Variants in HERC2 observed in about 807,000 individuals in gnomAD.
HERC2 encodes HECT and RLD domain containing E3 ubiquitin protein ligase 2, also known as E3 ubiquitin-protein ligase HERC2.
In HERC2, 102 loss-of-function variants were observed where a neutral mutation model predicts 537.7. The ratio of observed to expected loss-of-function variants is 0.19; its 90% CI spans 0.16 to 0.22. The LOEUF (loss-of-function observed/expected upper bound fraction) is 0.22, where lower values mean the gene tolerates loss of function less well. Among genes scored for constraint, HERC2 ranks in the 10% least tolerant of loss-of-function variants. HERC2 has a pLI of 1.00. For synonymous variants in HERC2, 2,224 were observed against 2,466.2 expected, an observed-to-expected ratio of 0.90 and a Z score of 2.91; for missense variants, 4,236 against 6,198.2, an observed-to-expected ratio of 0.68 and a Z score of 10.63.
Position 28,304,701 on chromosome 15 carries a change from CA to C in HERC2, c.73-5186del, listed in dbSNP as rs1164379483. Among the ~76,000 whole-genome samples the C allele has an allele frequency of 8.1e-4, 110 of 136,196 alleles. 1 individual carries two copies. Among genetic ancestry groups the C allele is most frequent in the Non-Finnish European group, 5.9e-4 (39 of 66,224 alleles). 89.3% of individuals were successfully genotyped at this position (136,196 alleles called of 152,430 possible). Reference sequence around the variant, plus strand: ...ATCTGACTCCTCTAGCAAGGGCTTCCATTTTTTTTTTTTTTTTTTTTTTTAT... The same window carrying C: ...ATCTGACTCCTCTAGCAAGGGCTTCCTTTTTTTTTTTTTTTTTTTTTTTAT... On this transcript the variant is annotated intron_variant, in intron 2 of 92. Transcript: ENST00000261609.
intron 76 of HERC2, 116 bp downstream of exon 76, chr15:28,142,122 T>G: frequency 8.8e-7 from 1 of 1,131,540 alleles, no homozygotes; most frequent in Non-Finnish European, 1.3e-6. Context: ...GTTATTTTCT[T>G]TGATATTCCT....
intron 12 of HERC2, among the ~76,000 whole-genome samples, chr15:28,267,018 G>A (rs1352552309): frequency 6.6e-6 from 1 of 152,234 alleles, no homozygotes; most frequent in East Asian, 1.9e-4. Context: ...GTATGAGGCA[G>A]TGGGGATTAG....
intron 2 of HERC2, among the ~76,000 whole-genome samples, chr15:28,318,777 T>G (rs1596477014): frequency 6.6e-6 from 1 of 151,916 alleles, no homozygotes; most frequent in East Asian, 1.9e-4. Flanking sequence ...AGTCAATAAG[T>G]GCTCTCTATA....
At chr15:28,288,779 G>GGGA (rs2076231121) in intron 4 of HERC2, among the ~76,000 whole-genome samples, 1 of 151,138 alleles carries the variant, frequency 6.6e-6, no homozygotes, top group South Asian at 2.1e-4. Flanking sequence ...ACCCACGTGG[G>GGGA]GGAGGTTGCA....
At chr15:28,260,666 G>A (rs1302439699) in intron 16 of HERC2, 111 bp downstream of exon 16, 3 of 838,888 alleles carry the variant, frequency 3.6e-6, no homozygotes, top group Admixed American at 2.5e-5. Context: ...TAGCACAACT[G>A]CAGGACACAA....
chr15:28,209,819 G>T (rs1219837577), intron 44 of HERC2, among the ~76,000 whole-genome samples: 1 of 151,848 alleles, frequency 6.6e-6, no homozygotes, highest in African/African-American at 2.4e-5. Flanking sequence ...ATTTTGAATG[G>T]CACCATGGTA....
At chr15:28,250,904 T>G (rs2075054335) in intron 20 of HERC2, among the ~76,000 whole-genome samples, 4 of 152,248 alleles carry the variant, frequency 2.6e-5, no homozygotes, top group Admixed American at 6.5e-5. Flanking sequence ...CTTTCCAAAA[T>G]TTTTGTGAGG....
At chr15:28,205,803 T>TCG (rs1318610767) in intron 45 of HERC2, among the ~76,000 whole-genome samples, 1 of 119,974 alleles carries the variant, frequency 8.3e-6, no homozygotes, top group Non-Finnish European at 1.7e-5. Context: ...ACCCTGTGCC[T>TCG]CGCTGCTGCC....
chr15:28,237,541 T>G (rs1347861277), intron 25 of HERC2, among the ~76,000 whole-genome samples: 1 of 152,198 alleles, frequency 6.6e-6, no homozygotes, highest in African/African-American at 2.4e-5. Flanking sequence ...GAAATGAAAT[T>G]TATTCTAACA....
chr15:28,259,166 C>T (rs868285513), intron 16 of HERC2, among the ~76,000 whole-genome samples: 1 of 152,196 alleles, frequency 6.6e-6, no homozygotes, highest in Non-Finnish European at 1.5e-5. Context: ...GCCATCCCGG[C>T]TCACTGCAAT....
At chr15:28,129,856 A>C (rs191286935) in intron 83 of HERC2, among the ~76,000 whole-genome samples, 83 of 148,468 alleles carry the variant, frequency 5.6e-4, no homozygotes, top group African/African-American at 2.0e-3. Flanking sequence ...GGCTCACTGC[A>C]ACCTCCACCT....
chr15:28,307,564 G>A (rs1412125678), intron 2 of HERC2, among the ~76,000 whole-genome samples: 1 of 152,158 alleles, frequency 6.6e-6, no homozygotes, highest in South Asian at 2.1e-4. Context: ...TTTGTTTCAA[G>A]AAACTGTTTA....
chr15:28,123,135 C>A (rs900934379), intron 85 of HERC2, among the ~76,000 whole-genome samples: 3 of 152,212 alleles, frequency 2.0e-5, no homozygotes, highest in Non-Finnish European at 4.4e-5. Flanking sequence ...AGCCTGACCA[C>A]TTCCACCCTC....
intron 21 of HERC2, 28 bp downstream of exon 21, chr15:28,248,524 A>C: frequency 1.3e-6 from 2 of 1,578,128 alleles, no homozygotes; most frequent in South Asian, 1.1e-5. Flanking sequence ...ATCACATACA[A>C]GACACTTTCA....
intron 69 of HERC2, among the ~76,000 whole-genome samples, chr15:28,157,212 T>C (rs752278346): frequency 2.0e-5 from 3 of 152,128 alleles, no homozygotes; most frequent in Admixed American, 6.6e-5. Flanking sequence ...AAATTCTTTT[T>C]GTTGTGTCTC....
intron 23 of HERC2, among the ~76,000 whole-genome samples, chr15:28,243,393 T>C (rs1324312385): frequency 6.6e-6 from 1 of 152,130 alleles, no homozygotes; most frequent in African/African-American, 2.4e-5. Context: ...ACAAACTGGA[T>C]TTCACGAATA....
At position 28,241,689 on chromosome 15, in the gene HERC2, G is replaced by A. The variant is rs113752481; in HGVS notation, c.3578-2917C>T. On this transcript the variant is annotated intron_variant, in intron 23 of 92. Transcript: ENST00000261609. ...CAAAAAATTAGCTGGGCATGGTGGCGCACGCCTGTAGTCCCAGCTACTCAG... is the reference window on the plus strand; with the variant it reads ...CAAAAAATTAGCTGGGCATGGTGGCACACGCCTGTAGTCCCAGCTACTCAG... 3.8e-3 allele frequency among the ~76,000 whole-genome samples: 571 copies of A among 152,136 alleles called. 5 individuals are homozygous for A. The highest frequency in any genetic ancestry group is 0.013 in the African/African-American group (520 of 41,504).
intron 30 of HERC2, among the ~76,000 whole-genome samples, chr15:28,232,038 A>T (rs2140627857): frequency 6.6e-6 from 1 of 152,286 alleles, no homozygotes; most frequent in African/African-American, 2.4e-5. Context: ...GAATCGCAGC[A>T]GTGTGACTGC....
Position 28,265,953 on chromosome 15 carries a change from C to A in HERC2, c.1620G>T (p.Val540=), listed in dbSNP as rs1483547944. 4 of 1,614,190 alleles carry A rather than the reference C, an allele frequency of 2.5e-6. No homozygotes were observed. In the African/African-American group the frequency reaches 4.0e-5, roughly 16 times the overall value. The change falls in exon 13 of 93, where the codon GTG becomes GTT. Residue 540 remains valine (V), a synonymous_variant. Coordinates refer to ENST00000261609, the MANE Select transcript of HERC2 (RefSeq NM_004667.6). This position sits in a 1 kb window ranked among gnomAD's most constrained non-coding sequence, Gnocchi z 4.0. The part of the protein sequence containing the change: ...GDTVPLEEPK[V]ISAFSGKQAG... ...CCTGCTTTCCAGAGAAGGCGGAGATCACCTTAGGCTCCTCCAAAGGCCTTG... is the reference window on the plus strand; with the variant it reads ...CCTGCTTTCCAGAGAAGGCGGAGATAACCTTAGGCTCCTCCAAAGGCCTTG...
Sources: allele counts gnomAD v4.1 joint callset (sites outside exome capture counted in the v4.1 genomes callset), GRCh38; gene constraint gnomAD v4.1.1; non-coding constraint Gnocchi (gnomAD v3.1); transcripts MANE v1.5; gene names NCBI Gene and HGNC (gene_info 2026-07-23, HGNC 2026-07-21).